The following CATSPERE variants were observed in gnomAD, a reference collection of about 807,000 sequenced individuals.
CATSPERE encodes catsper channel auxiliary subunit epsilon.
CATSPERE carries 93 observed loss-of-function variants against 114.1 expected under a neutral mutation model. The observed-to-expected ratio is 0.81, with a 90% CI of 0.69 to 0.97. CATSPERE has a LOEUF of 0.97. Ranked by LOEUF, CATSPERE falls within the 50% of genes least tolerant of loss-of-function variation. The pLI, the probability that CATSPERE is intolerant of heterozygous loss-of-function variation, is 0.00. For synonymous variants in CATSPERE, 341 were observed against 384.1 expected, an observed-to-expected ratio of 0.89 and a Z score of 1.31; for missense variants, 1,058 against 1,131.6, an observed-to-expected ratio of 0.93 and a Z score of 0.93.
intron 2 of CATSPERE, among the ~76,000 whole-genome samples, chr1:244,465,066 C>T (rs1384723252): frequency 6.7e-6 from 1 of 149,432 alleles, no homozygotes; most frequent in Non-Finnish European, 1.5e-5. Context: ...GACAGAGTCT[C>T]ACTCTGTCAC....
In CATSPERE at chr1:244,461,347, C is replaced by T; in HGVS notation, c.-83C>T. 1 of 1,226,584 alleles carries T rather than the reference C, an allele frequency of 8.2e-7. No individual in the cohort carries two copies. Among genetic ancestry groups the T allele is most frequent in the East Asian group, 3.2e-5 (1 of 31,628 alleles). 76.0% of individuals were successfully genotyped at this position (1,226,584 alleles called of 1,614,324 possible). ...GCCGGGACCCAGGCGCCTGCAGCCG[C>T]CCGCCGGGCCGACGTCCCACGGGAA... On this transcript the variant is annotated 5_prime_UTR_variant, in exon 1 of 22. Coordinates refer to ENST00000366534, the MANE Select transcript of CATSPERE (RefSeq NM_001130957.2).
At chr1:244,539,843 G>A (rs9662948) in intron 8 of CATSPERE, among the ~76,000 whole-genome samples, 10,613 of 134,518 alleles carry the variant, frequency 0.079, 639 homozygotes, top group African/African-American at 0.18. Flanking sequence ...TTTTTATTGC[G>A]TCTATTTGAT....
At chr1:244,478,247 A>G (rs1669680275) in intron 4 of CATSPERE, among the ~76,000 whole-genome samples, 1 of 152,168 alleles carries the variant, frequency 6.6e-6, no homozygotes, top group Admixed American at 6.5e-5. Flanking sequence ...CACCACCTTA[A>G]TGATAATAGG....
intron 4 of CATSPERE, among the ~76,000 whole-genome samples, chr1:244,479,354 A>G (rs1291902364): frequency 6.6e-6 from 1 of 152,186 alleles, no homozygotes; most frequent in South Asian, 2.1e-4. Context: ...CGGCCTCCCA[A>G]AGTGCTGGGA....
At chr1:244,543,037 T>C (rs1213187941) in intron 8 of CATSPERE, among the ~76,000 whole-genome samples, 1 of 152,150 alleles carries the variant, frequency 6.6e-6, no homozygotes, top group Non-Finnish European at 1.5e-5. Context: ...AATATAGCCA[T>C]TATGGGAAAT....
At chr1:244,486,980 G>A (rs1395917954) in intron 5 of CATSPERE, among the ~76,000 whole-genome samples, 4 of 143,070 alleles carry the variant, frequency 2.8e-5, no homozygotes, top group Non-Finnish European at 4.6e-5. Context: ...TGGGCCATGT[G>A]TAGACCCTCG....
intron 5 of CATSPERE, among the ~76,000 whole-genome samples, chr1:244,486,718 G>A (rs1671105736): frequency 7.7e-6 from 1 of 129,758 alleles, no homozygotes; most frequent in South Asian, 2.7e-4. Flanking sequence ...GGGTGGTCCA[G>A]CATGTGGAGT....
chr1:244,596,792 A>C (rs950030611), intron 17 of CATSPERE, among the ~76,000 whole-genome samples: 1 of 151,642 alleles, frequency 6.6e-6, no homozygotes, highest in Non-Finnish European at 1.5e-5. Flanking sequence ...AAAAAAAAAA[A>C]GAAAATGAGT....
upstream of CATSPERE, chr1:244,457,501 AAG>A (rs1206720244): frequency 2.6e-5 from 4 of 152,200 alleles, no homozygotes; most frequent in African/African-American, 4.8e-5. Flanking sequence ...AGGGGAAAAA[AAG>A]GAGGAGAGAG....
intron 7 of CATSPERE, among the ~76,000 whole-genome samples, chr1:244,508,476 T>A (rs950884035): frequency 1.3e-5 from 2 of 151,716 alleles, no homozygotes; most frequent in Admixed American, 6.6e-5. Context: ...AATTTTTTTT[T>A]ATTTTTAGTA....
At chr1:244,503,164 T>G (rs1055639330) in intron 7 of CATSPERE, among the ~76,000 whole-genome samples, 3 of 152,182 alleles carry the variant, frequency 2.0e-5, no homozygotes, top group African/African-American at 7.2e-5. Flanking sequence ...CAAGAGGTGT[T>G]GAATAAGTAA....
At chr1:244,469,074 A>G (rs115218369) in intron 2 of CATSPERE, among the ~76,000 whole-genome samples, 2 of 152,346 alleles carry the variant, frequency 1.3e-5, no homozygotes, top group Non-Finnish European at 2.9e-5. Flanking sequence ...TCACTTAAAC[A>G]TGAAGTTGGT....
chr1:244,616,194 C>T (rs1387372577), intron 19 of CATSPERE, among the ~76,000 whole-genome samples: 1 of 152,098 alleles, frequency 6.6e-6, no homozygotes, highest in Admixed American at 6.6e-5. Flanking sequence ...GTGTGCCAGA[C>T]TGAGGATACA....
intron 10 of CATSPERE, among the ~76,000 whole-genome samples, chr1:244,565,826 T>C (rs1026537633): frequency 6.6e-6 from 1 of 152,304 alleles, no homozygotes; most frequent in Non-Finnish European, 1.5e-5. Context: ...TTTTCGTGTC[T>C]CTATCTCCTT....
At chr1:244,625,400 T>TA (rs1394244199) in intron 20 of CATSPERE, among the ~76,000 whole-genome samples, 7 of 69,222 alleles carry the variant, frequency 1.0e-4, no homozygotes, top group African/African-American at 1.8e-4. Flanking sequence ...TTATTATTAT[T>TA]ATTATTTATA....
chr1:244,460,673 G>A (rs1306135281), upstream of CATSPERE, among the ~76,000 whole-genome samples: 1 of 152,238 alleles, frequency 6.6e-6, no homozygotes, highest in East Asian at 1.9e-4. Flanking sequence ...CAGCACTTTG[G>A]GAGGCTGAGG....
rs986287238 is a variant in CATSPERE, at chr1:244,573,913, GA to G, written c.1950+1148del. On this transcript the variant is annotated intron_variant, in intron 11 of 21. Coordinates refer to ENST00000366534, the MANE Select transcript of CATSPERE (RefSeq NM_001130957.2). This position sits in a 1 kb window ranked among gnomAD's most constrained non-coding sequence, Gnocchi z 4.0. ...GAATGCTTGTTCTTTGGTACTACAA[GA>G]AAAAAACAGCATTTAGACAAAAAAT... Among the ~76,000 whole-genome samples the G allele has an allele frequency of 7.2e-5, 11 of 152,194 alleles. No homozygotes were observed. The highest frequency in any genetic ancestry group is 2.4e-4 in the African/African-American group (10 of 41,564).
chr1:244,617,117 A>ACC (rs1671496926), intron 19 of CATSPERE, among the ~76,000 whole-genome samples: 1 of 152,212 alleles, frequency 6.6e-6, no homozygotes, highest in Admixed American at 6.5e-5. Context: ...CCACAGAAAG[A>ACC]CATGGTAATG....
At chr1:244,461,259 G>C (rs547982761), upstream of CATSPERE, 1 of 480,674 alleles carries the variant, frequency 2.1e-6, no homozygotes. Flanking sequence ...GTAGCGGCGC[G>C]CACGCGCACG....
Sources: gnomAD v4.1 joint callset for allele counts (sites outside exome capture counted in the v4.1 genomes callset) on GRCh38, gnomAD v4.1.1 for gene constraint, Gnocchi (gnomAD v3.1) non-coding constraint, MANE v1.5 for transcripts, NCBI Gene and HGNC (gene_info 2026-07-23, HGNC 2026-07-21) for gene names.